RORA: variants seen among roughly 807,000 people sequenced by gnomAD.
RORA encodes nuclear receptor ROR-alpha.
In RORA, 7 loss-of-function variants were observed where a neutral mutation model predicts 69.5. That is an observed-to-expected ratio of 0.10 (90% CI 0.06 to 0.19). The LOEUF (loss-of-function observed/expected upper bound fraction) is 0.19, where lower values mean the gene tolerates loss of function less well. Among genes scored for constraint, RORA ranks in the 10% least tolerant of loss-of-function variants. RORA has a pLI of 1.00. For synonymous variants in RORA, 261 were observed against 240.8 expected (o/e 1.08, Z -0.78); for missense variants, 457 against 663.0 (o/e 0.69, Z 3.41).
At chr15:61,016,287 A>C (rs1895283809) in intron 1 of RORA, among the ~76,000 whole-genome samples, 1 of 152,188 alleles carries the variant, frequency 6.6e-6, no homozygotes, top group South Asian at 2.1e-4. Context: ...CTGGCATTCG[A>C]GAAGCTCCTA....
At chr15:60,768,581 G>A (rs1386351570) in intron 1 of RORA, among the ~76,000 whole-genome samples, 3 of 152,158 alleles carry the variant, frequency 2.0e-5, no homozygotes, top group Non-Finnish European at 4.4e-5. Flanking sequence ...CTACAGCTAA[G>A]CACTAAAGGC....
rs779163165 is a variant in RORA at position 60,508,703 on chromosome 15, C to T, written c.820+2523G>A. Reference sequence around the variant, plus strand: ...GAGAAACTACAGCTCGCAGATGTTACGTGGTGTATACTGGGTTGTATAACT... The same window carrying T: ...GAGAAACTACAGCTCGCAGATGTTATGTGGTGTATACTGGGTTGTATAACT... On this transcript the variant is annotated intron_variant, in intron 5 of 10. Transcript: ENST00000335670. 2.6e-3 allele frequency among the ~76,000 whole-genome samples: 395 copies of T among 152,280 alleles called. 3 individuals are homozygous for T. Among genetic ancestry groups the T allele is most frequent in the Non-Finnish European group, 4.4e-3 (299 of 68,022 alleles).
intron 1 of RORA, among the ~76,000 whole-genome samples, chr15:61,017,503 T>C (rs776517147): frequency 5.3e-5 from 8 of 152,142 alleles, no homozygotes; most frequent in Non-Finnish European, 1.0e-4. Flanking sequence ...GAAATCCCAG[T>C]TTGCAAGCTT....
chr15:61,176,778 T>A (rs2079632719), intron 1 of RORA, among the ~76,000 whole-genome samples: 1 of 152,214 alleles, frequency 6.6e-6, no homozygotes, highest in South Asian at 2.1e-4. Context: ...CCTAATATGA[T>A]GTCAGGAACA....
intron 1 of RORA, among the ~76,000 whole-genome samples, chr15:60,781,954 C>T (rs965704670): frequency 6.6e-6 from 1 of 152,204 alleles, no homozygotes; most frequent in Non-Finnish European, 1.5e-5. Context: ...AGGCCGGGTA[C>T]GGCGGTTCAC....
At chr15:60,688,514 C>CT (rs1218478439) in intron 1 of RORA, among the ~76,000 whole-genome samples, 1 of 152,118 alleles carries the variant, frequency 6.6e-6, no homozygotes, top group Non-Finnish European at 1.5e-5. Flanking sequence ...TTTAATATTG[C>CT]AAACATCTCT....
intron 1 of RORA, among the ~76,000 whole-genome samples, chr15:60,733,684 A>G (rs1245622210): frequency 1.3e-5 from 2 of 152,134 alleles, no homozygotes; most frequent in Admixed American, 1.3e-4. Context: ...GGAAGGCAAA[A>G]TTTGACTGGA....
chr15:61,095,422 T>C (rs1167755493), intron 1 of RORA, among the ~76,000 whole-genome samples: 3 of 152,222 alleles, frequency 2.0e-5, no homozygotes, highest in Non-Finnish European at 4.4e-5. Flanking sequence ...TAATATGTAC[T>C]AATAATTGTA....
chr15:61,147,626 G>T lies in RORA; in HGVS notation c.166+81427C>A, dbSNP rs1418283311. The stretch of plus-strand genomic sequence containing the variant: ...TTCTTCCGCTAGAAAAGGAGTGTAG[G>T]AAGAAGAGTAAGTAAACAAGAGGCT... On this transcript the variant is annotated intron_variant, in intron 1 of 10. Coordinates refer to ENST00000335670, the MANE Select transcript of RORA (RefSeq NM_134261.3). This position sits in a 1 kb window ranked among gnomAD's most constrained non-coding sequence, Gnocchi z 4.1. Among the ~76,000 whole-genome samples, 1 of 152,202 alleles carries T rather than the reference G, an allele frequency of 6.6e-6. No homozygotes were observed. The highest frequency in any genetic ancestry group is 2.4e-5 in the African/African-American group (1 of 41,440).
chr15:61,022,287 A>C (rs775944948), intron 1 of RORA, among the ~76,000 whole-genome samples: 7 of 152,206 alleles, frequency 4.6e-5, no homozygotes, highest in Non-Finnish European at 7.3e-5. Context: ...ACAAAGAAAG[A>C]CTTCAAATTT....
chr15:60,996,865 A>G (rs7180281), intron 1 of RORA, among the ~76,000 whole-genome samples: 34,758 of 151,468 alleles, frequency 0.23, 4,878 homozygotes, highest in African/African-American at 0.4. Context: ...AGTGGAGATC[A>G]CGCCACTGCA....
intron 1 of RORA, among the ~76,000 whole-genome samples, chr15:60,893,466 C>T (rs1297975545): frequency 6.6e-6 from 1 of 152,222 alleles, no homozygotes; most frequent in Admixed American, 6.5e-5. Context: ...TGCGAAACTC[C>T]TCCTGGCACC....
chr15:60,987,339 G>T (rs1185719909), intron 1 of RORA, among the ~76,000 whole-genome samples: 1 of 152,140 alleles, frequency 6.6e-6, no homozygotes, highest in Admixed American at 6.5e-5. Context: ...GATTATCCAA[G>T]TCTGCTTATT....
intron 1 of RORA, among the ~76,000 whole-genome samples, chr15:61,100,026 T>A (rs896005880): frequency 2.6e-5 from 4 of 152,166 alleles, no homozygotes; most frequent in African/African-American, 9.7e-5. Flanking sequence ...GTCAATCATC[T>A]TAAATTATAG....
At chr15:61,197,050 GGAA>G in intron 1 of RORA, among the ~76,000 whole-genome samples, 1 of 152,308 alleles carries the variant, frequency 6.6e-6, no homozygotes, top group Middle Eastern at 3.4e-3. Flanking sequence ...GGACCACAGG[GGAA>G]AGCCGATGAG....
chr15:60,504,580 G>A (rs1006530875), intron 6 of RORA, among the ~76,000 whole-genome samples: 11 of 152,044 alleles, frequency 7.2e-5, no homozygotes, highest in Non-Finnish European at 1.5e-4. Flanking sequence ...GTGGATATGG[G>A]AGCCAGGATT....
chr15:60,551,190 T>C (rs1256836010), intron 2 of RORA, among the ~76,000 whole-genome samples: 1 of 152,140 alleles, frequency 6.6e-6, no homozygotes, highest in Non-Finnish European at 1.5e-5. Flanking sequence ...ATTTGAAAAT[T>C]ACTGGTGAGA....
intron 1 of RORA, among the ~76,000 whole-genome samples, chr15:60,882,525 C>T (rs541706435): frequency 1.3e-5 from 2 of 152,146 alleles, no homozygotes; most frequent in South Asian, 2.1e-4. Context: ...CCTAGAACTA[C>T]CCAGTTTGGA....
intron 1 of RORA, among the ~76,000 whole-genome samples, chr15:61,151,019 C>T (rs986404902): frequency 2.6e-5 from 4 of 152,200 alleles, no homozygotes; most frequent in South Asian, 2.1e-4. Flanking sequence ...GATTACCTGA[C>T]GCAAGATAGC....
Sources: gnomAD v4.1 joint callset for allele counts (sites outside exome capture counted in the v4.1 genomes callset) on GRCh38, gnomAD v4.1.1 for gene constraint, Gnocchi (gnomAD v3.1) non-coding constraint, MANE v1.5 for transcripts, NCBI Gene and HGNC (gene_info 2026-07-23, HGNC 2026-07-21) for gene names.